COL22A1: variants seen among roughly 807,000 people sequenced by gnomAD.
The protein encoded by COL22A1 is collagen type XXII alpha 1 chain, also known as collagen alpha-1(XXII) chain.
COL22A1 carries 221 observed loss-of-function variants against 248.9 expected under a neutral mutation model. The observed-to-expected ratio is 0.89, with a 90% confidence interval of 0.80 to 0.99. The LOEUF is 0.99. Ranked by LOEUF, COL22A1 falls within the 50% of genes least tolerant of loss-of-function variation. The pLI, the probability that COL22A1 is intolerant of heterozygous loss-of-function variation, is 0.00. For missense variants in COL22A1, 2,240 were observed against 2,179.0 expected, an observed-to-expected ratio of 1.03 and a Z score of -0.56; for synonymous variants, 891 against 793.4, an observed-to-expected ratio of 1.12 and a Z score of -2.07.
chr8:138,771,190 G>T (rs1465138642), intron 16 of COL22A1, among the ~76,000 whole-genome samples: 1 of 152,194 alleles, frequency 6.6e-6, no homozygotes. Context: ...CGTGGCTGAG[G>T]TTACTCCCTG....
At chr8:138,645,641 G>C (rs59323567) in intron 47 of COL22A1, among the ~76,000 whole-genome samples, 7,261 of 152,222 alleles carry the variant, frequency 0.048, 228 homozygotes, top group South Asian at 0.11. Context: ...AGTTTTCATA[G>C]TCCCTAGTTA....
intron 2 of COL22A1, among the ~76,000 whole-genome samples, chr8:138,879,712 A>AAAAAG (rs1554652804): frequency 2.4e-5 from 2 of 83,192 alleles, no homozygotes; most frequent in African/African-American, 3.7e-5. Context: ...AAAAAAAAAA[A>AAAAAG]AAGAAGAAGA....
At chr8:138,591,366 G>T (rs1048205577) in intron 64 of COL22A1, 58 bp downstream of exon 64, 4 of 1,339,496 alleles carry the variant, frequency 3.0e-6, no homozygotes, top group South Asian at 1.6e-5. Flanking sequence ...ACGGGCAGGG[G>T]TGCTGGGTCT....
intron 3 of COL22A1, among the ~76,000 whole-genome samples, chr8:138,871,980 A>G (rs1366531138): frequency 6.6e-6 from 1 of 152,202 alleles, no homozygotes; most frequent in African/African-American, 2.4e-5. Flanking sequence ...CTCCCTGATC[A>G]TGGCCACAAA....
At chr8:138,615,725 A>G (rs774820476) in intron 55 of COL22A1, among the ~76,000 whole-genome samples, 24 of 152,046 alleles carry the variant, frequency 1.6e-4, no homozygotes, top group Non-Finnish European at 2.6e-4. Flanking sequence ...ATGCCTCTCA[A>G]GTCCATTTAA....
At chr8:138,676,692 G>C in intron 40 of COL22A1, 57 bp from the exon 41 acceptor site, 1 of 1,234,454 alleles carries the variant, frequency 8.1e-7, no homozygotes, top group African/African-American at 1.5e-5. Context: ...AGAGGGCTAG[G>C]GTACAAAATG....
At position 138,821,161 on chromosome 8, in the gene COL22A1, C is replaced by T. The variant is rs770249679; in HGVS notation, c.1220G>A (p.Arg407His). 43 of 1,614,064 alleles carry T rather than the reference C, an allele frequency of 2.7e-5. No individual in the cohort carries two copies. Among genetic ancestry groups the T allele is most frequent in the East Asian group, 8.9e-5 (4 of 44,888 alleles). The change falls in exon 7 of 65, where the codon CGC (arginine) becomes CAC (histidine). Residue 407 changes from arginine (R) to histidine (H), a missense_variant. Transcript: ENST00000303045. ...DIQGKTVIGKRLYDSVPIDFD... is the reference protein window; with the variant it reads ...DIQGKTVIGKHLYDSVPIDFD... Reference sequence around the variant, plus strand: ...GTCAATGGGCACACTGTCGTAGAGGCGCTTGCCAATCACAGTCTTGCCCTG... The same window carrying T: ...GTCAATGGGCACACTGTCGTAGAGGTGCTTGCCAATCACAGTCTTGCCCTG...
At chr8:138,815,173 T>C (rs1563801256) in intron 7 of COL22A1, among the ~76,000 whole-genome samples, 2 of 152,158 alleles carry the variant, frequency 1.3e-5, no homozygotes, top group Non-Finnish European at 2.9e-5. Flanking sequence ...CAATTAAACC[T>C]CTTGCCTTTC....
At chr8:138,667,134 T>G (rs573810686) in intron 41 of COL22A1, among the ~76,000 whole-genome samples, 1 of 152,358 alleles carries the variant, frequency 6.6e-6, no homozygotes, top group Admixed American at 6.5e-5. Context: ...GACTTTCTAA[T>G]GTCATTCCTA....
chr8:138,736,367 T>A (rs1048716538), intron 23 of COL22A1, among the ~76,000 whole-genome samples: 2 of 151,956 alleles, frequency 1.3e-5, no homozygotes, highest in East Asian at 3.9e-4. Flanking sequence ...CTTGCCATGT[T>A]TTGTCCACAC....
intron 29 of COL22A1, 110 bp from the exon 30 acceptor site, chr8:138,715,845 C>A: frequency 1.3e-6 from 1 of 771,728 alleles, no homozygotes. Flanking sequence ...GTATATATTT[C>A]TCTCTCTCAC....
chr8:138,638,951 GA>G (rs1386932795), intron 47 of COL22A1, among the ~76,000 whole-genome samples: 2 of 152,114 alleles, frequency 1.3e-5, no homozygotes, highest in Non-Finnish European at 1.5e-5. Flanking sequence ...GTAGGTCAGG[GA>G]TCAAAGCAAA....
intron 3 of COL22A1, among the ~76,000 whole-genome samples, chr8:138,846,700 G>A (rs141232331): frequency 2.6e-5 from 4 of 152,306 alleles, no homozygotes; most frequent in African/African-American, 7.2e-5. Flanking sequence ...ATAATTGGAA[G>A]CCATTCTGCA....
At chr8:138,669,421 G>C (rs936487951) in intron 41 of COL22A1, among the ~76,000 whole-genome samples, 17 of 152,192 alleles carry the variant, frequency 1.1e-4, no homozygotes, top group African/African-American at 4.1e-4. Context: ...AGCCTTTCTT[G>C]TGCTGGCTTT....
At chr8:138,799,862 G>T (rs1279029899) in intron 11 of COL22A1, among the ~76,000 whole-genome samples, 2 of 152,176 alleles carry the variant, frequency 1.3e-5, no homozygotes, top group East Asian at 1.9e-4. Context: ...AGTCTTCTTA[G>T]TGGTGTTTTC....
intron 41 of COL22A1, 41 bp downstream of exon 41, chr8:138,676,517 T>C (rs969099559): frequency 6.0e-6 from 8 of 1,339,850 alleles, no homozygotes; most frequent in East Asian, 2.6e-5. Flanking sequence ...AATGGCTGTA[T>C]GTCCTGAAAG....
At chr8:138,637,781 AC>A (rs1324539423) in intron 47 of COL22A1, among the ~76,000 whole-genome samples, 2 of 151,058 alleles carry the variant, frequency 1.3e-5, no homozygotes, top group Non-Finnish European at 2.9e-5. Flanking sequence ...TCTCAAAAAA[AC>A]ATTAGCTATC....
At chr8:138,753,483 G>A (rs1832765194) in intron 21 of COL22A1, among the ~76,000 whole-genome samples, 1 of 152,176 alleles carries the variant, frequency 6.6e-6, no homozygotes, top group Non-Finnish European at 1.5e-5. Context: ...GAACCCCGTG[G>A]GGCATCAGGC....
rs747398541 is a variant in COL22A1 at position 138,877,711 on chromosome 8, A to G, written c.658+39T>C. 10 of 1,516,758 alleles carry G rather than the reference A, an allele frequency of 6.6e-6. No homozygotes were observed. In the East Asian group the frequency reaches 2.3e-4, roughly 35 times the overall value. 94.0% of individuals were successfully genotyped at this position (1,516,758 alleles called of 1,614,324 possible). On this transcript the variant is annotated intron_variant, in intron 3 of 64. Transcript: ENST00000303045. ...TCCCGTGGGCTCAGCAGGGGGCGTC[A>G]CTCTTGGGAGGGGCCGCATGGGGCC... is the stretch of plus-strand genomic sequence containing the variant.
Sources: gnomAD v4.1 joint callset for allele counts (sites outside exome capture counted in the v4.1 genomes callset) on GRCh38, gnomAD v4.1.1 for gene constraint, MANE v1.5 for transcripts, NCBI Gene and HGNC (gene_info 2026-07-23, HGNC 2026-07-21) for gene names.